RALGAPA1: variants seen among roughly 807,000 people sequenced by gnomAD.
The protein encoded by RALGAPA1 is Ral GTPase activating protein catalytic subunit alpha 1, also known as ral GTPase-activating protein subunit alpha-1.
A neutral mutation model predicts 269.6 loss-of-function variants in RALGAPA1; 52 were observed. The observed-to-expected ratio is 0.19, with a 90% CI of 0.15 to 0.24. The LOEUF (loss-of-function observed/expected upper bound fraction) is 0.24. Ranked by LOEUF, RALGAPA1 falls within the 10% of genes least tolerant of loss-of-function variation. The probability of loss-of-function intolerance (pLI) is 1.00; values close to 1 mark genes in which losing one functional copy is unlikely to be tolerated. For synonymous variants in RALGAPA1, 817 were observed against 1,008.3 expected (o/e 0.81, Z 3.60); for missense variants, 1,917 against 3,013.9 (o/e 0.64, Z 8.52).
At chr14:35,551,951 G>T (rs1355243560) in intron 39 of RALGAPA1, among the ~76,000 whole-genome samples, 1 of 152,032 alleles carries the variant, frequency 6.6e-6, no homozygotes, top group Non-Finnish European at 1.5e-5. Context: ...AATCATTAAC[G>T]GTTGAATTTA....
At chr14:35,724,561 TA>T in intron 14 of RALGAPA1, among the ~76,000 whole-genome samples, 1 of 152,054 alleles carries the variant, frequency 6.6e-6, no homozygotes, top group East Asian at 1.9e-4. Context: ...AAAGTCTTAT[TA>T]AAAAAAAGCA....
rs2064005316 is a variant in RALGAPA1 at position 35,667,130 on chromosome 14, G to C, written c.5203-2363C>G. On this transcript the variant is annotated intron_variant, in intron 26 of 41. Coordinates refer to ENST00000680220, the MANE Select transcript of RALGAPA1 (RefSeq NM_001346249.2). ...AAAAAACTTAACTGTGGCCAGGCGC[G>C]GTGGCTCATGCCGGTAATTCCAGCA... 2.0e-5 allele frequency among the ~76,000 whole-genome samples: 3 copies of C among 152,218 alleles called. No individual in the cohort carries two copies. The South Asian group carries it at 6.2e-4, about 32-fold the overall frequency.
intron 14 of RALGAPA1, 61 bp downstream of exon 14, chr14:35,724,963 A>C (rs2069755801): frequency 1.5e-6 from 2 of 1,310,406 alleles, no homozygotes; most frequent in South Asian, 4.0e-5. Flanking sequence ...AACAAACAAC[A>C]AAACAAAACA....
At chr14:35,800,621 AAAG>A (rs1222938959) in intron 1 of RALGAPA1, among the ~76,000 whole-genome samples, 1 of 152,258 alleles carries the variant, frequency 6.6e-6, no homozygotes, top group East Asian at 1.9e-4. Context: ...CCTACAGTAG[AAAG>A]AAGAACAGTT....
chr14:35,682,888 A>T (rs939855107), intron 21 of RALGAPA1, among the ~76,000 whole-genome samples: 2 of 152,112 alleles, frequency 1.3e-5, no homozygotes, highest in Non-Finnish European at 1.5e-5. Flanking sequence ...GCCATCTGGG[A>T]AAAAAGGAGG....
At chr14:35,628,036 G>T in intron 33 of RALGAPA1, 85 bp from the exon 34 acceptor site, 5 of 1,356,796 alleles carry the variant, frequency 3.7e-6, no homozygotes, top group Non-Finnish European at 4.0e-6. Flanking sequence ...AACAAATAGG[G>T]ATTTTATCAC....
chr14:35,742,812 T>A (rs976954507), intron 10 of RALGAPA1, among the ~76,000 whole-genome samples: 6 of 150,378 alleles, frequency 4.0e-5, no homozygotes, highest in African/African-American at 1.5e-4. Context: ...ACCACAACAC[T>A]TACAATATTA....
At chr14:35,807,315 C>G (rs980195481) in intron 1 of RALGAPA1, among the ~76,000 whole-genome samples, 2 of 152,134 alleles carry the variant, frequency 1.3e-5, no homozygotes, top group African/African-American at 4.8e-5. Context: ...GCTTAACTCT[C>G]AAGAAGAATG....
intron 1 of RALGAPA1, among the ~76,000 whole-genome samples, chr14:35,777,585 T>C (rs1595522013): frequency 6.6e-6 from 1 of 152,184 alleles, no homozygotes; most frequent in South Asian, 2.1e-4. Context: ...TTTTTTGAGA[T>C]GGTGTCTTGC....
chr14:35,605,724 A>G lies in RALGAPA1; in HGVS notation c.6930-15T>C, dbSNP rs748304891. On this transcript the variant is annotated splice_polypyrimidine_tract_variant and intron_variant, in intron 35 of 41. Coordinates refer to ENST00000680220, the MANE Select transcript of RALGAPA1 (RefSeq NM_001346249.2). ...GTGTCTCTCGGCTATAAAACAAAAG[A>G]TTACACCATTAATTTAATCACTATT... 6 of 1,601,672 alleles carry G rather than the reference A, an allele frequency of 3.7e-6. No homozygotes were observed. The East Asian group carries it at 9.0e-5, about 24-fold the overall frequency.
At chr14:35,729,111 A>G (rs2070234908) in intron 12 of RALGAPA1, among the ~76,000 whole-genome samples, 1 of 152,182 alleles carries the variant, frequency 6.6e-6, no homozygotes, top group African/African-American at 2.4e-5. Context: ...ATAAATACAC[A>G]TAGTTTAGAA....
chr14:35,624,915 G>C (rs1432615677), intron 35 of RALGAPA1, among the ~76,000 whole-genome samples: 1 of 151,982 alleles, frequency 6.6e-6, no homozygotes, highest in East Asian at 1.9e-4. Flanking sequence ...AACAAGCCAG[G>C]CGCGGTGGCT....
Position 35,750,475 on chromosome 14 carries a change from G to A in RALGAPA1, c.1011+7C>T, listed in dbSNP as rs112360515. On this transcript the variant is annotated splice_region_variant and intron_variant, in intron 9 of 41. Coordinates refer to ENST00000680220, the MANE Select transcript of RALGAPA1 (RefSeq NM_001346249.2). ...ACTTTAACAGGCCTGCCTCATTTGT[G>A]CATTACCTGAATATTCTTTGGCAAG... 632 of 1,610,320 alleles carry A rather than the reference G, an allele frequency of 3.9e-4. 4 individuals are homozygous for A. In the African/African-American group the frequency reaches 7.1e-3, roughly 18 times the overall value.
In RALGAPA1 at chr14:35,677,946, T is replaced by G. The variant is rs991265573; in HGVS notation, c.4624+4A>C. The G allele has an allele frequency of 1.2e-6, 2 of 1,612,538 alleles. No individual in the cohort carries two copies. Among genetic ancestry groups the G allele is most frequent in the East Asian group, 4.5e-5 (2 of 44,822 alleles). ...AAGGTAAATATCTAATTTTGAAATA[T>G]TGCCTAGATCATCTGGTGTCTGAAG... On this transcript the variant is annotated splice_donor_region_variant and intron_variant, in intron 22 of 41. Coordinates refer to ENST00000680220, the MANE Select transcript of RALGAPA1 (RefSeq NM_001346249.2).
intron 33 of RALGAPA1, 53 bp downstream of exon 33, chr14:35,634,521 A>G: frequency 1.4e-6 from 2 of 1,456,930 alleles, no homozygotes; most frequent in Non-Finnish European, 1.8e-6. Context: ...GCCTCAAGTT[A>G]TACCTTGAGA....
intron 41 of RALGAPA1, among the ~76,000 whole-genome samples, chr14:35,547,283 C>G (rs890558946): frequency 1.3e-5 from 2 of 152,124 alleles, no homozygotes; most frequent in African/African-American, 4.8e-5. Context: ...AGAACCCTGA[C>G]TTGGCTGCTG....
chr14:35,606,257 AG>A (rs2139208383), intron 35 of RALGAPA1, among the ~76,000 whole-genome samples: 1 of 152,352 alleles, frequency 6.6e-6, no homozygotes, highest in African/African-American at 2.4e-5. Flanking sequence ...TGAACATTAT[AG>A]ATGTACTCAC....
At chr14:35,617,420 C>T (rs918948011) in intron 35 of RALGAPA1, among the ~76,000 whole-genome samples, 2 of 151,902 alleles carry the variant, frequency 1.3e-5, no homozygotes, top group Non-Finnish European at 2.9e-5. Context: ...GAGTTCGAGA[C>T]CAGCTTGGCC....
chr14:35,560,972 G>GT (rs2056159030), intron 39 of RALGAPA1, among the ~76,000 whole-genome samples: 1 of 152,082 alleles, frequency 6.6e-6, no homozygotes, highest in African/African-American at 2.4e-5. Flanking sequence ...GCTCACACCT[G>GT]TAATCCCAGC....
Sources: allele counts gnomAD v4.1 joint callset (sites outside exome capture counted in the v4.1 genomes callset), GRCh38; gene constraint gnomAD v4.1.1; transcripts MANE v1.5; gene names NCBI Gene and HGNC (gene_info 2026-07-23, HGNC 2026-07-21).